UBTF: variants seen among roughly 807,000 people sequenced by gnomAD.
The protein encoded by UBTF is upstream binding transcription factor.
UBTF carries 8 observed loss-of-function variants against 112.3 expected under a neutral mutation model. The ratio of observed to expected loss-of-function variants is 0.07; its 90% CI spans 0.04 to 0.13. The LOEUF is 0.13. Among genes scored for constraint, UBTF ranks in the 10% least tolerant of loss-of-function variants. UBTF has a pLI of 1.00. For missense variants in UBTF, 457 were observed against 982.1 expected, an observed-to-expected ratio of 0.47 and a Z score of 7.15; for synonymous variants, 417 against 373.1, an observed-to-expected ratio of 1.12 and a Z score of -1.36.
At chr17:44,213,785 G>A (rs1317475050) in intron 5 of UBTF, among the ~76,000 whole-genome samples, 1 of 152,282 alleles carries the variant, frequency 6.6e-6, no homozygotes, top group Non-Finnish European at 1.5e-5. Context: ...GGGAGATTGT[G>A]TGGAGGGGAA....
At chr17:44,216,290 A>G (rs2144551631) in intron 3 of UBTF, 2 of 610,804 alleles carry the variant, frequency 3.3e-6, no homozygotes, top group South Asian at 2.0e-5. Context: ...ACCTCCGTCA[A>G]TCTCAGCACA....
rs763431705 is a variant in UBTF at position 44,211,181 on chromosome 17, C to G, written c.1090-29G>C. The G allele has an allele frequency of 1.9e-6, 3 of 1,612,800 alleles. No individual in the cohort carries two copies. Among genetic ancestry groups the G allele is most frequent in the Non-Finnish European group, 2.5e-6 (3 of 1,179,712 alleles). On this transcript the variant is annotated intron_variant, in intron 11 of 20. Transcript: ENST00000436088. This position sits in a 1 kb window ranked among gnomAD's most constrained non-coding sequence, Gnocchi z 4.9. The stretch of plus-strand genomic sequence containing the variant: ...GACAGGAAAGAGGAGCACGGGGCTG[C>G]ATGCCTGGCACCCAGACTGCATGGT...
chr17:44,219,954 C>A (rs2047091650), upstream of UBTF, among the ~76,000 whole-genome samples: 1 of 149,994 alleles, frequency 6.7e-6, no homozygotes, highest in Non-Finnish European at 1.5e-5. Context: ...CGGGGGGCAG[C>A]TGGGAGGAGG....
upstream of UBTF, among the ~76,000 whole-genome samples, chr17:44,220,325 C>A (rs1313767522): frequency 6.6e-6 from 1 of 151,904 alleles, no homozygotes; most frequent in Non-Finnish European, 1.5e-5. Flanking sequence ...CCCAAGTTCT[C>A]CCAGCTCAGA....
In UBTF at chr17:44,207,404, C is replaced by G. The variant is rs371295237; in HGVS notation, c.2170-37G>C. On this transcript the variant is annotated intron_variant, in intron 20 of 20. Transcript: ENST00000436088. ...GAAAGGATGTGGAGTCACCAGGTGG[C>G]CCTCCTGGCAGGACTCCCCTCCCCT... 1.9e-6 allele frequency: 3 copies of G among 1,611,488 alleles called. No individual in the cohort carries two copies. In the African/African-American group the frequency reaches 4.0e-5, roughly 22 times the overall value.
Position 44,210,615 on chromosome 17 carries a change from G to A in UBTF, c.1360-142C>T. On this transcript the variant is annotated intron_variant, in intron 13 of 20. Transcript: ENST00000436088. ...CCCGCCTGGGGCTCGCCCCCGCCTG[G>A]TCTGCGGCGCTCAGCTGACAGCTTC... 3 of 1,385,972 alleles carry A rather than the reference G, an allele frequency of 2.2e-6. No homozygotes were observed. In the South Asian group the frequency reaches 4.5e-5, roughly 21 times the overall value. 85.9% of individuals were successfully genotyped at this position (1,385,972 alleles called of 1,614,324 possible).
Position 44,218,184 on chromosome 17 carries a change from G to C in UBTF, c.46C>G (p.Pro16Ala). The C allele has an allele frequency of 6.2e-7, 1 of 1,612,782 alleles. No individual in the cohort carries two copies. Among genetic ancestry groups the C allele is most frequent in the Non-Finnish European group, 8.5e-7 (1 of 1,179,696 alleles). The change falls in exon 2 of 21, where the codon CCC (proline) becomes GCC (alanine). Residue 16 changes from proline (P) to alanine (A), a missense_variant. Physicochemically the swap from Pro to Ala is conservative, Grantham distance 27 (BLOSUM62 -1). Coordinates refer to ENST00000436088, the MANE Select transcript of UBTF (RefSeq NM_014233.4). ...TGGATGCCCCTACCTTGGCCTTTGG[G>C]GGCGGCCATTTCCAGGTCTGTGGGG... The part of the protein sequence containing the change: ...DCPTDLEMAA[P>A]KGQDRWSQED...
At chr17:44,213,554 A>G (rs558234732) in intron 5 of UBTF, among the ~76,000 whole-genome samples, 8 of 152,206 alleles carry the variant, frequency 5.3e-5, no homozygotes, top group Non-Finnish European at 7.4e-5. Flanking sequence ...GAAGGGGGCC[A>G]TGGCATTACC....
chr17:44,209,193 A>C, intron 17 of UBTF, 159 bp downstream of exon 17: 1 of 700,422 alleles, frequency 1.4e-6, no homozygotes, highest in Non-Finnish European at 2.2e-6. Flanking sequence ...AATAAAAATA[A>C]AAGGGTGATA....
chr17:44,210,461 C>T lies in UBTF; in HGVS notation c.1372G>A (p.Ala458Thr), dbSNP rs1198945722. Reference sequence around the variant, plus strand: ...TGAGCCTTGAGCGCCGCCTCTCGGGCCTTGTACTTGGCCTGCGGGGATGGC... The same window carrying T: ...TGAGCCTTGAGCGCCGCCTCTCGGGTCTTGTACTTGGCCTGCGGGGATGGC... ...LSEKKKAKYK[A>T]REAALKAQSE... Residue 458 changes from alanine to threonine, a missense_variant, in exon 14 of 21, where the codon GCC (alanine) becomes ACC (threonine). Coordinates refer to ENST00000436088, the MANE Select transcript of UBTF (RefSeq NM_014233.4). 4.3e-6 allele frequency: 7 copies of T among 1,609,760 alleles called. No individual in the cohort carries two copies. Among genetic ancestry groups the T allele is most frequent in the Non-Finnish European group, 5.9e-6 (7 of 1,179,284 alleles).
intron 5 of UBTF, among the ~76,000 whole-genome samples, chr17:44,213,580 C>T (rs1040385457): frequency 2.0e-5 from 3 of 152,350 alleles, no homozygotes; most frequent in East Asian, 1.9e-4. Context: ...TCACACAGTG[C>T]GCAGTGGCAG....
chr17:44,208,906 T>G (rs1222145470), intron 17 of UBTF: 4 of 360,086 alleles, frequency 1.1e-5, no homozygotes, highest in Non-Finnish European at 2.2e-5. Context: ...TGATAGTGGC[T>G]GCGGACGGTG....
At position 44,210,876 on chromosome 17, in the gene UBTF, C is replaced by G. The variant is rs763634696; in HGVS notation, c.1275G>C (p.Leu425=). The change falls in exon 13 of 21, where the codon CTG becomes CTC. Residue 425 remains leucine, a synonymous_variant. Coordinates refer to ENST00000436088, the MANE Select transcript of UBTF (RefSeq NM_014233.4). Reference sequence around the variant, plus strand: ...CGGAGAGCTCAGGCCGCTCCTCCTGCAGCTGCCGCCGTTTCTCCTCCGAGA... The same window carrying G: ...CGGAGAGCTCAGGCCGCTCCTCCTGGAGCTGCCGCCGTTTCTCCTCCGAGA... The part of the protein sequence containing the change: ...FIFSEEKRRQ[L]QEERPELSES... The G allele has an allele frequency of 1.3e-6, 2 of 1,588,964 alleles. No individual in the cohort carries two copies. Among genetic ancestry groups the G allele is most frequent in the Non-Finnish European group, 1.7e-6 (2 of 1,167,978 alleles).
chr17:44,210,511 C>T (rs766393402), intron 13 of UBTF, 38 bp from the exon 14 acceptor site: 2 of 1,531,128 alleles, frequency 1.3e-6, no homozygotes, highest in Non-Finnish European at 1.7e-6. Flanking sequence ...TCCACCCACC[C>T]CCAGGGGGCG....
rs182810998 is a variant in UBTF, at chr17:44,211,025, C to T, written c.1203+14G>A. 25 of 1,607,472 alleles carry T rather than the reference C, an allele frequency of 1.6e-5. No homozygotes were observed. In the African/African-American group the frequency reaches 3.2e-4, roughly 21 times the overall value. On this transcript the variant is annotated intron_variant, in intron 12 of 20. Coordinates refer to ENST00000436088, the MANE Select transcript of UBTF (RefSeq NM_014233.4). The surrounding 1 kb of genome is among the most constrained non-coding windows in gnomAD (Gnocchi z 4.9). ...TTGCCCACCCCCGCCTGCGCGGCCG[C>T]ACCCTCTGCCCACCTTGCCCCCTTC...
rs569188212 is a variant in UBTF, at chr17:44,210,616, T to C, written c.1360-143A>G. 5.1e-6 allele frequency: 7 copies of C among 1,380,816 alleles called. No homozygotes were observed. The East Asian group carries it at 8.0e-5, about 16-fold the overall frequency. 85.5% of individuals were successfully genotyped at this position (1,380,816 alleles called of 1,614,324 possible). ...CCGCCTGGGGCTCGCCCCCGCCTGGTCTGCGGCGCTCAGCTGACAGCTTCC... is the reference window on the plus strand; with the variant it reads ...CCGCCTGGGGCTCGCCCCCGCCTGGCCTGCGGCGCTCAGCTGACAGCTTCC... On this transcript the variant is annotated intron_variant, in intron 13 of 20. Coordinates refer to ENST00000436088, the MANE Select transcript of UBTF (RefSeq NM_014233.4).
intron 1 of UBTF, among the ~76,000 whole-genome samples, chr17:44,218,781 G>T (rs946646852): frequency 6.7e-6 from 1 of 150,162 alleles, no homozygotes; most frequent in African/African-American, 2.4e-5. Context: ...CAACCCGGCG[G>T]GGACCCGGAC....
chr17:44,215,563 G>A (rs537258162), intron 5 of UBTF, 91 bp downstream of exon 5: 10 of 1,520,116 alleles, frequency 6.6e-6, no homozygotes, highest in South Asian at 3.6e-5. Flanking sequence ...CCTGATGCCA[G>A]GTTTCTCCAA....
chr17:44,210,590 C>A, intron 13 of UBTF, 117 bp from the exon 14 acceptor site: 1 of 1,409,042 alleles, frequency 7.1e-7, no homozygotes, highest in Non-Finnish European at 9.2e-7. Context: ...GCAGATGTCT[C>A]CCGCCTGGGG....
Sources: gnomAD v4.1 joint callset for allele counts (sites outside exome capture counted in the v4.1 genomes callset) on GRCh38, gnomAD v4.1.1 for gene constraint, Gnocchi (gnomAD v3.1) non-coding constraint, MANE v1.5 for transcripts, NCBI Gene and HGNC (gene_info 2026-07-23, HGNC 2026-07-21) for gene names.